VAV1: variants seen among roughly 807,000 people sequenced by gnomAD.
VAV1 encodes vav guanine nucleotide exchange factor 1.
VAV1 carries 33 observed loss-of-function variants against 128.1 expected under a neutral mutation model. The observed-to-expected ratio is 0.26, with a 90% CI of 0.20 to 0.34. The LOEUF (loss-of-function observed/expected upper bound fraction) is 0.34. Among genes scored for constraint, VAV1 ranks in the 10% least tolerant of loss-of-function variants. The probability of loss-of-function intolerance (pLI) is 1.00; values close to 1 mark genes in which losing one functional copy is unlikely to be tolerated. For synonymous variants in VAV1, 394 were observed against 409.8 expected, an observed-to-expected ratio of 0.96 and a Z score of 0.47; for missense variants, 715 against 1,093.7, an observed-to-expected ratio of 0.65 and a Z score of 4.88.
At chr19:6,788,370 T>C (rs1382025632) in intron 1 of VAV1, among the ~76,000 whole-genome samples, 1 of 148,658 alleles carries the variant, frequency 6.7e-6, no homozygotes, top group Non-Finnish European at 1.5e-5. Flanking sequence ...TTATTATTAT[T>C]ATTATTATTA....
Position 6,800,135 on chromosome 19 carries a change from AT to A in VAV1, c.205-20556del, listed in dbSNP as rs199977948. Among the ~76,000 whole-genome samples, 44 of 148,174 alleles carry A rather than the reference AT, an allele frequency of 3.0e-4. 1 individual carries two copies. The East Asian group carries it at 3.7e-3, about 12-fold the overall frequency. The stretch of plus-strand genomic sequence containing the variant: ...CGACATAGTGAGGCTCTGTTTCTTA[AT>A]TTTTTTTTTTAATAAGAAGAAAATG... On this transcript the variant is annotated intron_variant, in intron 1 of 26. Transcript: ENST00000602142.
At chr19:6,798,540 C>T (rs757588302) in intron 1 of VAV1, among the ~76,000 whole-genome samples, 3 of 152,086 alleles carry the variant, frequency 2.0e-5, no homozygotes, top group Non-Finnish European at 2.9e-5. Context: ...GTAGTCCCAG[C>T]TACTTGGGAG....
chr19:6,833,477 C>A (rs761782853), intron 16 of VAV1, 51 bp from the exon 17 acceptor site: 2 of 1,518,850 alleles, frequency 1.3e-6, no homozygotes, highest in Non-Finnish European at 1.8e-6. Context: ...GAATATTTGG[C>A]CCTGTCTGTA....
At position 6,792,831 on chromosome 19, in the gene VAV1, C is replaced by T. The variant is rs185026376; in HGVS notation, c.204+19820C>T. On this transcript the variant is annotated intron_variant, in intron 1 of 26. Coordinates refer to ENST00000602142, the MANE Select transcript of VAV1 (RefSeq NM_005428.4). ...AGTTTCAGTTATCACTACTGGAGGG[C>T]TTGGTGTGTTATTGATATCTATTGG... is the stretch of plus-strand genomic sequence containing the variant. 6.1e-3 allele frequency among the ~76,000 whole-genome samples: 930 copies of T among 152,116 alleles called. 10 individuals carry two copies. The highest frequency in any genetic ancestry group is 0.02 in the African/African-American group (840 of 41,482).
At chr19:6,855,645 A>G (rs747321751) in intron 26 of VAV1, among the ~76,000 whole-genome samples, 4 of 152,060 alleles carry the variant, frequency 2.6e-5, no homozygotes, top group Admixed American at 2.0e-4. Context: ...GCATCCATCC[A>G]TCTATCCATG....
intron 1 of VAV1, among the ~76,000 whole-genome samples, chr19:6,794,494 G>A (rs1285876146): frequency 6.6e-6 from 1 of 152,138 alleles, no homozygotes; most frequent in African/African-American, 2.4e-5. Flanking sequence ...GACACAATGA[G>A]ATTCTGTCTC....
chr19:6,832,159 A>G lies in VAV1; in HGVS notation c.1467A>G (p.Arg489=). The G allele has an allele frequency of 6.2e-7, 1 of 1,614,132 alleles. No individual in the cohort carries two copies. The highest frequency in any genetic ancestry group is 8.5e-7 in the Non-Finnish European group (1 of 1,180,020). The change falls in exon 15 of 27, where the codon AGA becomes AGG. Residue 489 remains arginine (R), a synonymous_variant. Coordinates refer to ENST00000602142, the MANE Select transcript of VAV1 (RefSeq NM_005428.4). ...AQGYELFFKT[R]ELKKKWMEQF... ...GCTATGAGCTGTTCTTCAAGACAAG[A>G]GAATTGAAGAAGAAGTGGATGGAGC...
Position 6,833,223 on chromosome 19 carries a change from T to C in VAV1, c.1548T>C (p.His516=). Reference sequence around the variant, plus strand: ...CGGAGAATGCCACCGCCAACGGGCATGACTTCCAGATGTTCTCCTTTGAGG... The same window carrying C: ...CGGAGAATGCCACCGCCAACGGGCACGACTTCCAGATGTTCTCCTTTGAGG... The part of the protein sequence containing the change: ...IYPENATANG[H]DFQMFSFEET... Residue 516 remains histidine (H), a synonymous_variant, in exon 16 of 27, where the codon CAT becomes CAC. Coordinates refer to ENST00000602142, the MANE Select transcript of VAV1 (RefSeq NM_005428.4). The C allele has an allele frequency of 6.2e-7, 1 of 1,613,574 alleles. No homozygotes were observed. The highest frequency in any genetic ancestry group is 8.5e-7 in the Non-Finnish European group (1 of 1,179,906).
At chr19:6,855,983 T>C (rs1159930522) in intron 26 of VAV1, among the ~76,000 whole-genome samples, 4 of 152,176 alleles carry the variant, frequency 2.6e-5, no homozygotes, top group African/African-American at 9.7e-5. Flanking sequence ...TGGGATTCAG[T>C]GACAAATAAT....
chr19:6,817,022 C>G (rs982429400), intron 1 of VAV1, among the ~76,000 whole-genome samples: 1 of 151,830 alleles, frequency 6.6e-6, no homozygotes, highest in African/African-American at 2.4e-5. Flanking sequence ...GAATGCCTAA[C>G]CATGTGTAGT....
rs1417427364 is a variant in VAV1 at position 6,826,220 on chromosome 19, C to A, written c.828-392C>A. Among the ~76,000 whole-genome samples, 2 of 151,450 alleles carry A rather than the reference C, an allele frequency of 1.3e-5. No individual in the cohort carries two copies. The highest frequency in any genetic ancestry group is 4.9e-5 in the African/African-American group (2 of 41,202). ...AGGCATGGTGGCAGGTGTCTGTAATCCCAGCTACTCGGGGGGCTGAAGCAG... is the reference window on the plus strand; with the variant it reads ...AGGCATGGTGGCAGGTGTCTGTAATACCAGCTACTCGGGGGGCTGAAGCAG... On this transcript the variant is annotated intron_variant, in intron 8 of 26. Coordinates refer to ENST00000602142, the MANE Select transcript of VAV1 (RefSeq NM_005428.4). This position sits in a 1 kb window ranked among gnomAD's most constrained non-coding sequence, Gnocchi z 4.1.
Position 6,820,640 on chromosome 19 carries a change from G to T in VAV1, c.205-62G>T, listed in dbSNP as rs916221823. 7 of 1,411,192 alleles carry T rather than the reference G, an allele frequency of 5.0e-6. No individual in the cohort carries two copies. The highest frequency in any genetic ancestry group is 1.7e-5 in the Admixed American group (1 of 59,104). 87.4% of individuals were successfully genotyped at this position (1,411,192 alleles called of 1,614,324 possible). On this transcript the variant is annotated intron_variant, in intron 1 of 26. Coordinates refer to ENST00000602142, the MANE Select transcript of VAV1 (RefSeq NM_005428.4). This position sits in a 1 kb window ranked among gnomAD's most constrained non-coding sequence, Gnocchi z 4.4. ...ACCAGTCCCCAAGCTAGGTGGCCTG[G>T]GGGTCAGTTTCTCCCCTGCCCTTTC... is the stretch of plus-strand genomic sequence containing the variant.
At chr19:6,816,856 T>C (rs3105700) in intron 1 of VAV1, among the ~76,000 whole-genome samples, 100,413 of 151,248 alleles carry the variant, frequency 0.66, 34,581 homozygotes, top group African/African-American at 0.86. Context: ...TCCAGCTACT[T>C]GGGAGGCTGA....
chr19:6,849,208 C>T (rs1972603701), intron 23 of VAV1, among the ~76,000 whole-genome samples: 1 of 149,522 alleles, frequency 6.7e-6, no homozygotes, highest in Non-Finnish European at 1.5e-5. Context: ...AGGGAGTGAT[C>T]ATATACTCGG....
chr19:6,814,637 CTCCT>C (rs1169076080), intron 1 of VAV1, among the ~76,000 whole-genome samples: 2,455 of 81,894 alleles, frequency 0.03, 355 homozygotes, highest in East Asian at 0.04. Context: ...TTTTCTTTCT[CTCCT>C]TCCTTCCTTC....
chr19:6,783,764 T>G (rs1205192042), intron 1 of VAV1, among the ~76,000 whole-genome samples: 2 of 151,338 alleles, frequency 1.3e-5, no homozygotes, highest in Non-Finnish European at 2.9e-5. Context: ...CACCATGCCC[T>G]GCCTCCATTC....
chr19:6,836,195 C>G, intron 19 of VAV1: 2 of 457,248 alleles, frequency 4.4e-6, no homozygotes, highest in Non-Finnish European at 7.7e-6. Flanking sequence ...TTTCATTTCT[C>G]TTGGGTTGCT....
chr19:6,854,131 C>T (rs1199770153), intron 26 of VAV1, 33 bp downstream of exon 26: 2 of 1,606,822 alleles, frequency 1.2e-6, no homozygotes, highest in Non-Finnish European at 1.7e-6. Flanking sequence ...ACGGGGAGGG[C>T]ATGGGGGTTG....
chr19:6,785,996 G>T (rs942654902), intron 1 of VAV1, among the ~76,000 whole-genome samples: 3 of 151,962 alleles, frequency 2.0e-5, no homozygotes, highest in Admixed American at 6.6e-5. Flanking sequence ...ACTGTTTCTA[G>T]ATATAAAATC....
Sources: allele counts gnomAD v4.1 joint callset (sites outside exome capture counted in the v4.1 genomes callset), GRCh38; gene constraint gnomAD v4.1.1; non-coding constraint Gnocchi (gnomAD v3.1); transcripts MANE v1.5; gene names NCBI Gene and HGNC (gene_info 2026-07-23, HGNC 2026-07-21).